TMC1: variants seen among roughly 807,000 people sequenced by gnomAD.
The protein encoded by TMC1 is transmembrane channel like 1.
A neutral mutation model predicts 105.8 loss-of-function variants in TMC1; 84 were observed. The observed-to-expected ratio is 0.79, with a 90% CI of 0.67 to 0.95. The LOEUF (loss-of-function observed/expected upper bound fraction) is 0.95. Ranked by LOEUF, TMC1 falls within the 40% of genes least tolerant of loss-of-function variation. The pLI, the probability that TMC1 is intolerant of heterozygous loss-of-function variation, is 0.00. For synonymous variants in TMC1, 315 were observed against 311.5 expected (o/e 1.01, Z -0.12); for missense variants, 817 against 914.1 (o/e 0.89, Z 1.37).
chr9:72,806,151 G>C (rs530748478), intron 18 of TMC1, among the ~76,000 whole-genome samples: 4 of 150,878 alleles, frequency 2.7e-5, no homozygotes, highest in Admixed American at 1.3e-4. Flanking sequence ...CCTCCCGGGC[G>C]GGGCGGCTGG....
intron 2 of TMC1, among the ~76,000 whole-genome samples, chr9:72,599,661 T>G (rs1824774639): frequency 1.3e-5 from 2 of 152,014 alleles, no homozygotes; most frequent in East Asian, 3.9e-4. Flanking sequence ...ATACAAAAAA[T>G]TAGCCAGCCG....
At chr9:72,748,381 C>T (rs1009755170) in intron 10 of TMC1, among the ~76,000 whole-genome samples, 10 of 152,144 alleles carry the variant, frequency 6.6e-5, no homozygotes, top group African/African-American at 2.4e-4. Context: ...ACTTTTGATT[C>T]AGTCAACAAC....
chr9:72,640,449 A>G (rs1290269479), intron 4 of TMC1, among the ~76,000 whole-genome samples: 1 of 152,194 alleles, frequency 6.6e-6, no homozygotes, highest in Non-Finnish European at 1.5e-5. Flanking sequence ...GAATGACAGT[A>G]AGCTTTCCAA....
chr9:72,606,784 G>T (rs1198321946), intron 2 of TMC1, among the ~76,000 whole-genome samples: 1 of 152,096 alleles, frequency 6.6e-6, no homozygotes, highest in Non-Finnish European at 1.5e-5. Flanking sequence ...AGCCTCTGGT[G>T]CTAGACTGCC....
intron 12 of TMC1, among the ~76,000 whole-genome samples, chr9:72,756,093 A>G (rs554031374): frequency 6.6e-6 from 1 of 152,344 alleles, no homozygotes; most frequent in East Asian, 1.9e-4. Flanking sequence ...TTGAGTTAGC[A>G]TGAGGCACAA....
In TMC1 at chr9:72,755,633, T is replaced by G. The variant is rs193165428; in HGVS notation, c.741+749T>G. ...AACAATGTAATTCCACATATTCTTT[T>G]TTTAAGTAGTGACTAGACTAGAAAT... On this transcript the variant is annotated intron_variant, in intron 12 of 23. Coordinates refer to ENST00000297784, the MANE Select transcript of TMC1 (RefSeq NM_138691.3). Among the ~76,000 whole-genome samples, 204 of 152,296 alleles carry G rather than the reference T, an allele frequency of 1.3e-3. 1 individual carries two copies. Among genetic ancestry groups the G allele is most frequent in the Middle Eastern group, 0.01 (3 of 294 alleles).
intron 17 of TMC1, among the ~76,000 whole-genome samples, chr9:72,795,410 CCTACAGAGAG>C (rs1828347597): frequency 6.6e-6 from 1 of 152,098 alleles, no homozygotes; most frequent in Non-Finnish European, 1.5e-5. Context: ...GGGCAGGTCA[CCTACAGAGAG>C]AACACCATTA....
intron 17 of TMC1, among the ~76,000 whole-genome samples, chr9:72,799,460 T>A (rs189852635): frequency 6.6e-6 from 1 of 152,194 alleles, no homozygotes; most frequent in African/African-American, 2.4e-5. Context: ...ATTTCAACTG[T>A]GAAAGAAAAA....
chr9:72,676,530 T>C (rs552379754), intron 5 of TMC1, among the ~76,000 whole-genome samples: 2 of 152,256 alleles, frequency 1.3e-5, no homozygotes, highest in South Asian at 2.1e-4. Flanking sequence ...ATTCCTTCCT[T>C]TCACTAAGGC....
intron 7 of TMC1, among the ~76,000 whole-genome samples, chr9:72,697,072 T>C (rs1200954498): frequency 6.6e-6 from 1 of 152,092 alleles, no homozygotes; most frequent in East Asian, 1.9e-4. Context: ...AATAAACAAT[T>C]AACAACAGAG....
intron 1 of TMC1, among the ~76,000 whole-genome samples, chr9:72,569,580 T>A (rs995013943): frequency 1.3e-5 from 2 of 152,054 alleles, no homozygotes; most frequent in African/African-American, 4.8e-5. Flanking sequence ...TCCAGGTGGA[T>A]GGGGCAGGGC....
chr9:72,731,883 A>T (rs1827216465), intron 8 of TMC1, among the ~76,000 whole-genome samples: 2 of 152,088 alleles, frequency 1.3e-5, no homozygotes, highest in Non-Finnish European at 2.9e-5. Context: ...TCCATCTCTC[A>T]TCTCAATCTT....
At chr9:72,562,981 AAAAT>A (rs1291693814) in intron 1 of TMC1, among the ~76,000 whole-genome samples, 1 of 152,198 alleles carries the variant, frequency 6.6e-6, no homozygotes, top group Non-Finnish European at 1.5e-5. Flanking sequence ...AATAAAATAA[AAAAT>A]AAAGAAAATT....
At chr9:72,741,481 C>A in intron 9 of TMC1, 1 of 294,048 alleles carries the variant, frequency 3.4e-6, no homozygotes. Flanking sequence ...TTCTTGCCAA[C>A]AAAGATCAGT....
At chr9:72,783,090 A>G (rs927210379) in intron 13 of TMC1, among the ~76,000 whole-genome samples, 4 of 152,196 alleles carry the variant, frequency 2.6e-5, no homozygotes, top group Non-Finnish European at 4.4e-5. Flanking sequence ...CATGATACTG[A>G]TAGAAAAACA....
At chr9:72,650,327 C>T (rs11143363) in intron 5 of TMC1, among the ~76,000 whole-genome samples, 7,778 of 152,156 alleles carry the variant, frequency 0.051, 242 homozygotes, top group Non-Finnish European at 0.062. Flanking sequence ...GTGTGGTTTG[C>T]ATAATGTCAC....
At chr9:72,526,339 C>G (rs770264119) in intron 1 of TMC1, among the ~76,000 whole-genome samples, 1 of 152,144 alleles carries the variant, frequency 6.6e-6, no homozygotes, top group Non-Finnish European at 1.5e-5. Context: ...TCTTATTGAT[C>G]CTGTCACTGT....
At chr9:72,604,137 T>C (rs540478611) in intron 2 of TMC1, among the ~76,000 whole-genome samples, 14 of 152,268 alleles carry the variant, frequency 9.2e-5, no homozygotes, top group Admixed American at 8.5e-4. Context: ...CTATCATCAC[T>C]TGGTGATAAA....
At chr9:72,697,363 A>G (rs1826567527) in intron 7 of TMC1, among the ~76,000 whole-genome samples, 1 of 152,164 alleles carries the variant, frequency 6.6e-6, no homozygotes, top group Non-Finnish European at 1.5e-5. Flanking sequence ...AGTCCATAAT[A>G]TAGTAAGGGA....
Sources: gnomAD v4.1 joint callset for allele counts (sites outside exome capture counted in the v4.1 genomes callset) on GRCh38, gnomAD v4.1.1 for gene constraint, MANE v1.5 for transcripts, NCBI Gene and HGNC (gene_info 2026-07-23, HGNC 2026-07-21) for gene names.